The following WDR33 variants were observed in gnomAD, a reference collection of about 807,000 sequenced individuals.
WDR33 encodes the protein WD repeat domain 33.
In WDR33, 47 loss-of-function variants were observed where a neutral mutation model predicts 164.9. The ratio of observed to expected loss-of-function variants is 0.29; its 90% CI spans 0.23 to 0.36. The LOEUF (loss-of-function observed/expected upper bound fraction) is 0.36, where lower values mean the gene tolerates loss of function less well. Among genes scored for constraint, WDR33 ranks in the 10% least tolerant of loss-of-function variants. WDR33 has a pLI of 1.00. For synonymous variants in WDR33, 505 were observed against 589.0 expected, an observed-to-expected ratio of 0.86 and a Z score of 2.06; for missense variants, 1,137 against 1,754.1, an observed-to-expected ratio of 0.65 and a Z score of 6.28.
At chr2:127,736,742 T>A (rs771754166) in intron 7 of WDR33, 1 of 985,338 alleles carries the variant, frequency 1.0e-6, no homozygotes, top group Non-Finnish European at 1.2e-6. Context: ...CAAATTCTTA[T>A]GACTATATGG....
intron 7 of WDR33, among the ~76,000 whole-genome samples, chr2:127,758,397 T>G (rs762941712): frequency 6.6e-6 from 1 of 152,208 alleles, no homozygotes; most frequent in Non-Finnish European, 1.5e-5. Context: ...ATAAATTATA[T>G]GACCTCTGAC....
intron 1 of WDR33, among the ~76,000 whole-genome samples, chr2:127,780,364 A>G (rs1688329277): frequency 1.3e-5 from 2 of 152,332 alleles, no homozygotes; most frequent in South Asian, 4.1e-4. Context: ...AAGATAATCA[A>G]TCTACTCTAA....
intron 7 of WDR33, among the ~76,000 whole-genome samples, chr2:127,752,391 C>T (rs1193944749): frequency 2.0e-5 from 3 of 151,232 alleles, no homozygotes; most frequent in Non-Finnish European, 4.4e-5. Flanking sequence ...GAGATCGAGA[C>T]CATCCTGGCT....
chr2:127,763,793 G>A lies in WDR33; in HGVS notation c.627-634C>T. The A allele has an allele frequency of 1.0e-6, 1 of 985,528 alleles. No homozygotes were observed. The highest frequency in any genetic ancestry group is 1.2e-6 in the Non-Finnish European group (1 of 830,026). The allele number at this position is 985,528 out of a possible 1,614,324, so 61.0% of individuals were successfully genotyped here. A position where few individuals can be genotyped will look rare whatever the true frequency, so the allele number is the denominator to read the frequency against. On this transcript the variant is annotated intron_variant, in intron 6 of 21. Transcript: ENST00000322313. The surrounding 1 kb of genome is among the most constrained non-coding windows in gnomAD (Gnocchi z 4.5). The stretch of plus-strand genomic sequence containing the variant: ...GCCAAAGAATCTGCTGCAAGAAGGA[G>A]TCAGTTTTTCCCAGCAGTGAAAGAT...
Position 127,720,321 on chromosome 2 carries a change from T to C in WDR33, c.1704A>G (p.Gln568=), listed in dbSNP as rs757899621. ...AGGGAGGAGGCTGAATTTGCTCAAC[T>C]TGTTTCTGTGCAAGTCTTTCAATTT... ...QLKIERLAQK[Q]VEQIQPPPSS... Residue 568 remains glutamine (Q), a synonymous_variant, in exon 16 of 22, where the codon CAA becomes CAG. Coordinates refer to ENST00000322313, the MANE Select transcript of WDR33 (RefSeq NM_018383.5). This position sits in a 1 kb window ranked among gnomAD's most constrained non-coding sequence, Gnocchi z 5.9. 3 of 1,512,036 alleles carry C rather than the reference T, an allele frequency of 2.0e-6. No individual in the cohort carries two copies. 93.7% of individuals were successfully genotyped at this position (1,512,036 alleles called of 1,614,324 possible).
intron 1 of WDR33, among the ~76,000 whole-genome samples, chr2:127,776,251 G>A (rs1329625003): frequency 6.6e-6 from 1 of 152,114 alleles, no homozygotes; most frequent in Non-Finnish European, 1.5e-5. Flanking sequence ...AAGAGGAGAG[G>A]CTCTCCAGGA....
At chr2:127,790,044 C>G (rs1688791687) in intron 1 of WDR33, among the ~76,000 whole-genome samples, 1 of 151,976 alleles carries the variant, frequency 6.6e-6, no homozygotes, top group African/African-American at 2.4e-5. Context: ...GACATGTTGC[C>G]CTGGCTGGTC....
At position 127,706,269 on chromosome 2, in the gene WDR33, C is replaced by A; in HGVS notation, c.*54G>T. 5.5e-6 allele frequency: 8 copies of A among 1,452,410 alleles called. No individual in the cohort carries two copies. Among genetic ancestry groups the A allele is most frequent in the Non-Finnish European group, 6.4e-6 (7 of 1,091,914 alleles). 90.0% of individuals were successfully genotyped at this position (1,452,410 alleles called of 1,614,324 possible). A position where few individuals can be genotyped will look rare whatever the true frequency, so the allele number is the denominator to read the frequency against. Reference sequence around the variant, plus strand: ...CCTTTTGTTTCTCTTGGTGAGTCCACAAGAAGTTCTTACATACTGTCCAGA... The same window carrying A: ...CCTTTTGTTTCTCTTGGTGAGTCCAAAAGAAGTTCTTACATACTGTCCAGA... On this transcript the variant is annotated 3_prime_UTR_variant, in exon 22 of 22. Coordinates refer to ENST00000322313, the MANE Select transcript of WDR33 (RefSeq NM_018383.5). The surrounding 1 kb of genome is among the most constrained non-coding windows in gnomAD (Gnocchi z 5.1).
At chr2:127,781,033 T>G (rs1304379781) in intron 1 of WDR33, among the ~76,000 whole-genome samples, 2 of 151,938 alleles carry the variant, frequency 1.3e-5, no homozygotes, top group African/African-American at 4.8e-5. Context: ...GCTAATTTTT[T>G]TCGTATCTCT....
intron 7 of WDR33, among the ~76,000 whole-genome samples, chr2:127,750,239 G>T (rs1167552472): frequency 2.0e-5 from 3 of 152,006 alleles, no homozygotes; most frequent in Non-Finnish European, 4.4e-5. Context: ...TGTTGCCAAG[G>T]CTGGTCTCAA....
chr2:127,762,934 C>G (rs1354991558), intron 7 of WDR33, 128 bp downstream of exon 7: 1 of 1,483,338 alleles, frequency 6.7e-7, no homozygotes, highest in Non-Finnish European at 9.0e-7. Flanking sequence ...TTTTGAAGAG[C>G]CTGAGACGGT....
intron 1 of WDR33, among the ~76,000 whole-genome samples, chr2:127,810,061 C>CACATACAT (rs1553483217): frequency 6.6e-6 from 1 of 151,198 alleles, no homozygotes; most frequent in Non-Finnish European, 1.5e-5. Flanking sequence ...CATACACACA[C>CACATACAT]ACATATATAC....
chr2:127,727,907 G>A (rs763744594), intron 7 of WDR33, among the ~76,000 whole-genome samples: 3 of 152,152 alleles, frequency 2.0e-5, no homozygotes, highest in South Asian at 2.1e-4. Flanking sequence ...AAGAAGAGAC[G>A]GGGTAGAGGC....
Position 127,735,893 on chromosome 2 carries a change from C to T in WDR33, c.725-9116G>A, listed in dbSNP as rs1686826832. ...GATTACTATTAGTCATCTTTGTTGTCCAGTCTAGAAAGTTACATCAGTGAA... is the reference window on the plus strand; with the variant it reads ...GATTACTATTAGTCATCTTTGTTGTTCAGTCTAGAAAGTTACATCAGTGAA... On this transcript the variant is annotated intron_variant, in intron 7 of 21. Coordinates refer to ENST00000322313, the MANE Select transcript of WDR33 (RefSeq NM_018383.5). The surrounding 1 kb of genome is among the most constrained non-coding windows in gnomAD (Gnocchi z 4.3). 1.0e-6 allele frequency: 1 copy of T among 985,294 alleles called. No homozygotes were observed. Among genetic ancestry groups the T allele is most frequent in the Non-Finnish European group, 1.2e-6 (1 of 829,930 alleles). The allele number at this position is 985,294 out of a possible 1,614,324, so 61.0% of individuals were successfully genotyped here.
intron 18 of WDR33, among the ~76,000 whole-genome samples, chr2:127,711,780 A>ATATATTTTTTTTTTTTTTTTTTT: frequency 4.5e-5 from 4 of 88,308 alleles, no homozygotes; most frequent in African/African-American, 2.6e-4. Context: ...ATATATATAT[A>ATATATTTTTTTTTTTTTTTTTTT]TTTTTTTTTT....
At chr2:127,783,609 T>TTTTTTTTTTTC (rs1688451255) in intron 1 of WDR33, among the ~76,000 whole-genome samples, 1 of 140,712 alleles carries the variant, frequency 7.1e-6, no homozygotes, top group African/African-American at 2.7e-5. Context: ...CTTTTTTTTT[T>TTTTTTTTTTTC]TTTTTTTTTT....
At chr2:127,762,849 A>G in intron 7 of WDR33, 1 of 1,368,416 alleles carries the variant, frequency 7.3e-7, no homozygotes, top group Non-Finnish European at 9.4e-7. Context: ...TTTAATTTAC[A>G]GCTGAAAAAT....
At chr2:127,762,476 G>T in intron 7 of WDR33, 1 of 970,726 alleles carries the variant, frequency 1.0e-6, no homozygotes, top group Non-Finnish European at 1.2e-6. Context: ...ATCGAAGTGA[G>T]AATATGGACT....
At chr2:127,797,006 T>C (rs1254003683) in intron 1 of WDR33, among the ~76,000 whole-genome samples, 1 of 151,996 alleles carries the variant, frequency 6.6e-6, no homozygotes, top group Non-Finnish European at 1.5e-5. Flanking sequence ...CCAAAATCAA[T>C]ACTCACAGTG....
Sources: gnomAD v4.1 joint callset for allele counts (sites outside exome capture counted in the v4.1 genomes callset) on GRCh38, gnomAD v4.1.1 for gene constraint, Gnocchi (gnomAD v3.1) non-coding constraint, MANE v1.5 for transcripts, NCBI Gene and HGNC (gene_info 2026-07-23, HGNC 2026-07-21) for gene names.